ESRRB: variants seen among roughly 807,000 people sequenced by gnomAD.
The protein encoded by ESRRB is steroid hormone receptor ERR2.
In ESRRB, 16 loss-of-function variants were observed where a neutral mutation model predicts 46.0. That is an observed-to-expected ratio of 0.35 (90% CI 0.24 to 0.53). ESRRB has a LOEUF of 0.53. Among genes scored for constraint, ESRRB ranks in the 20% least tolerant of loss-of-function variants. The pLI is 0.93. For synonymous variants in ESRRB, 246 were observed against 259.6 expected (o/e 0.95, Z 0.50); for missense variants, 488 against 607.4 (o/e 0.80, Z 2.07).
chr14:76,312,285 T>TAC (rs1439206402), intron 1 of ESRRB, among the ~76,000 whole-genome samples: 1 of 152,226 alleles, frequency 6.6e-6, no homozygotes, highest in Non-Finnish European at 1.5e-5. Flanking sequence ...AATATGGATA[T>TAC]ACACACGTAT....
chr14:76,347,240 C>T (rs1021817949), intron 1 of ESRRB, among the ~76,000 whole-genome samples: 1 of 152,102 alleles, frequency 6.6e-6, no homozygotes, highest in Non-Finnish European at 1.5e-5. Context: ...TCAGCCTATG[C>T]CTATGTATGT....
At chr14:76,378,022 G>T (rs1884850688) in intron 1 of ESRRB, among the ~76,000 whole-genome samples, 1 of 152,132 alleles carries the variant, frequency 6.6e-6, no homozygotes, top group African/African-American at 2.4e-5. Context: ...TTCTAGCTGG[G>T]GTGGGGATGG....
chr14:76,481,160 C>T (rs1236686435), intron 3 of ESRRB, among the ~76,000 whole-genome samples: 1 of 152,196 alleles, frequency 6.6e-6, no homozygotes, highest in African/African-American at 2.4e-5. Context: ...GGGATTCATC[C>T]TTGCAGGCCA....
chr14:76,431,513 C>T (rs750936016), intron 1 of ESRRB, among the ~76,000 whole-genome samples: 34 of 152,284 alleles, frequency 2.2e-4, no homozygotes, highest in Non-Finnish European at 3.4e-4. Context: ...CCAGCAAGCT[C>T]GGTGTCCCCT....
At chr14:76,410,467 T>G (rs1028369793) in intron 1 of ESRRB, among the ~76,000 whole-genome samples, 1 of 152,180 alleles carries the variant, frequency 6.6e-6, no homozygotes, top group African/African-American at 2.4e-5. Context: ...TCTGTGAACC[T>G]TACAATATTT....
intron 2 of ESRRB, among the ~76,000 whole-genome samples, chr14:76,452,820 G>C (rs1328372394): frequency 6.6e-6 from 1 of 152,174 alleles, no homozygotes; most frequent in African/African-American, 2.4e-5. Flanking sequence ...GGAGAGTCAG[G>C]GTGGGAAGGA....
intron 1 of ESRRB, among the ~76,000 whole-genome samples, chr14:76,424,200 C>T (rs1480130990): frequency 6.6e-6 from 1 of 152,196 alleles, no homozygotes; most frequent in Non-Finnish European, 1.5e-5. Context: ...AGCAAGCCCT[C>T]CATATGTGAG....
At chr14:76,491,151 C>G (rs898474269) in intron 5 of ESRRB, among the ~76,000 whole-genome samples, 18 of 152,220 alleles carry the variant, frequency 1.2e-4, no homozygotes, top group South Asian at 6.2e-4. Flanking sequence ...AAAGCCTCTA[C>G]AGACGTTTGG....
chr14:76,433,355 G>A (rs1887534847), intron 1 of ESRRB, among the ~76,000 whole-genome samples: 1 of 152,202 alleles, frequency 6.6e-6, no homozygotes, highest in Admixed American at 6.5e-5. Context: ...TTCAGGGAGA[G>A]AAGTGGGGGC....
exon 1 of ESRRB, chr14:76,310,796 C>T: frequency 2.2e-6 from 1 of 445,744 alleles, no homozygotes; most frequent in Admixed American, 2.5e-5. Context: ...GAGACACAGA[C>T]AGGGGACTGT....
intron 1 of ESRRB, among the ~76,000 whole-genome samples, chr14:76,386,960 G>A (rs1490039189): frequency 1.3e-5 from 2 of 152,156 alleles, no homozygotes; most frequent in Non-Finnish European, 2.9e-5. Context: ...CTGACAAACG[G>A]GTTGGGGTGC....
At chr14:76,389,083 T>A (rs1885363698) in intron 1 of ESRRB, among the ~76,000 whole-genome samples, 1 of 152,214 alleles carries the variant, frequency 6.6e-6, no homozygotes, top group South Asian at 2.1e-4. Context: ...TCCCTCCTGC[T>A]CTTCATTGTT....
intron 1 of ESRRB, among the ~76,000 whole-genome samples, chr14:76,437,850 G>T (rs1401310618): frequency 6.6e-6 from 1 of 152,206 alleles, no homozygotes; most frequent in African/African-American, 2.4e-5. Context: ...TACGGGAGGG[G>T]AACACCCTTG....
At chr14:76,451,437 A>G (rs1888376124) in intron 2 of ESRRB, among the ~76,000 whole-genome samples, 1 of 152,194 alleles carries the variant, frequency 6.6e-6, no homozygotes, top group Non-Finnish European at 1.5e-5. Flanking sequence ...AGTGCCTGGC[A>G]CATGAAATAA....
intron 1 of ESRRB, among the ~76,000 whole-genome samples, chr14:76,377,888 G>A (rs1372778521): frequency 1.3e-5 from 2 of 152,188 alleles, no homozygotes; most frequent in Non-Finnish European, 2.9e-5. Context: ...CTGGGGCAGA[G>A]GGCCTTTTAG....
chr14:76,406,907 G>C (rs1039242469), intron 1 of ESRRB, among the ~76,000 whole-genome samples: 3 of 152,192 alleles, frequency 2.0e-5, no homozygotes, highest in African/African-American at 7.2e-5. Flanking sequence ...TTACTTGTGC[G>C]TGCTCTGTCT....
intron 2 of ESRRB, among the ~76,000 whole-genome samples, chr14:76,456,878 G>A (rs1209003880): frequency 6.6e-6 from 1 of 152,158 alleles, no homozygotes; most frequent in African/African-American, 2.4e-5. Context: ...GATGGTCCCT[G>A]TCTCCAGAGG....
chr14:76,362,771 TG>T (rs1388653678), intron 1 of ESRRB, among the ~76,000 whole-genome samples: 1 of 151,170 alleles, frequency 6.6e-6, no homozygotes, highest in Admixed American at 6.6e-5. Flanking sequence ...TTCCTGGGGG[TG>T]GGGGTGAAGG....
intron 5 of ESRRB, among the ~76,000 whole-genome samples, chr14:76,484,704 C>T (rs34158075): frequency 0.02 from 3,025 of 152,316 alleles, 42 homozygotes; most frequent in Non-Finnish European, 0.029. Flanking sequence ...CCTCCCAGCT[C>T]CATCTCCCAT....
Sources: gnomAD v4.1 joint callset for allele counts (sites outside exome capture counted in the v4.1 genomes callset) on GRCh38, gnomAD v4.1.1 for gene constraint, MANE v1.5 for transcripts, NCBI Gene and HGNC (gene_info 2026-07-23, HGNC 2026-07-21) for gene names.